FYB2: variants seen among roughly 807,000 people sequenced by gnomAD.
The protein encoded by FYB2 is FYN-binding protein 2.
In FYB2, 103 loss-of-function variants were observed where a neutral mutation model predicts 94.1. That is an observed-to-expected ratio of 1.09 (90% CI 0.93 to 1.29). The LOEUF is 1.29. Among genes scored for constraint, FYB2 ranks in the 50% most tolerant of loss-of-function variants. The probability of loss-of-function intolerance (pLI) is 0.00; values close to 1 mark genes in which losing one functional copy is unlikely to be tolerated. For missense variants in FYB2, 896 were observed against 841.5 expected (o/e 1.06, Z -0.80); for synonymous variants, 293 against 287.9 (o/e 1.02, Z -0.18).
chr1:56,720,351 C>T (rs767452768), intron 17 of FYB2, 22 bp from the exon 18 acceptor site: 10 of 1,580,314 alleles, frequency 6.3e-6, no homozygotes, highest in Admixed American at 3.8e-5. Flanking sequence ...AATTACTAAT[C>T]AGACCATTCT....
intron 2 of FYB2, among the ~76,000 whole-genome samples, chr1:56,790,314 T>A (rs1013681315): frequency 6.6e-6 from 1 of 152,192 alleles, no homozygotes; most frequent in Non-Finnish European, 1.5e-5. Context: ...GGGCCCAAAG[T>A]TCCTCTCTTC....
chr1:56,801,504 C>G (rs1254383370), intron 1 of FYB2, among the ~76,000 whole-genome samples: 2 of 152,202 alleles, frequency 1.3e-5, no homozygotes, highest in Non-Finnish European at 1.5e-5. Flanking sequence ...ATCCTTCCAA[C>G]ACTTTGGCCT....
chr1:56,794,959 A>C (rs551796008), intron 1 of FYB2, among the ~76,000 whole-genome samples: 5 of 152,066 alleles, frequency 3.3e-5, no homozygotes, highest in African/African-American at 1.2e-4. Context: ...CTCAGTGATA[A>C]ATATTTTTTA....
At chr1:56,756,591 C>G (rs1645337469) in intron 6 of FYB2, among the ~76,000 whole-genome samples, 1 of 152,156 alleles carries the variant, frequency 6.6e-6, no homozygotes, top group Non-Finnish European at 1.5e-5. Flanking sequence ...AACCATTATT[C>G]AGAGACTATT....
At chr1:56,742,342 T>C (rs1644975289) in intron 11 of FYB2, 121 bp from the exon 12 acceptor site, 1 of 654,500 alleles carries the variant, frequency 1.5e-6, no homozygotes, top group East Asian at 3.2e-5. Context: ...TTTTGTTAAA[T>C]AGTTTTTACT....
chr1:56,757,691 T>TTCTTTTTTTCTTTCTTTCTTTCTTTC (rs1557616923), intron 6 of FYB2, among the ~76,000 whole-genome samples: 3 of 70,166 alleles, frequency 4.3e-5, no homozygotes, highest in African/African-American at 1.5e-4. Flanking sequence ...TCCTTCCTTC[T>TTCTTTTTTTCTTTCTTTCTTTCTTTC]TTCTTTCTTT....
At chr1:56,819,644 G>A (rs115552878), upstream of FYB2, 1,149 of 438,282 alleles carry the variant, frequency 2.6e-3, 11 homozygotes, top group African/African-American at 0.021. Context: ...GGGCATTTGT[G>A]CCCAGGCAGC....
At chr1:56,767,788 T>G in intron 5 of FYB2, 41 bp downstream of exon 5, 2 of 1,417,610 alleles carry the variant, frequency 1.4e-6, no homozygotes, top group Non-Finnish European at 2.0e-6. Flanking sequence ...ACATTTTCAT[T>G]CCACACAGGG....
intron 15 of FYB2, among the ~76,000 whole-genome samples, chr1:56,728,971 G>A (rs917110762): frequency 1.3e-5 from 2 of 152,276 alleles, no homozygotes; most frequent in Non-Finnish European, 1.5e-5. Context: ...TGGAACAAAT[G>A]TGAAGGTTTG....
chr1:56,788,090 A>G (rs550924662), intron 3 of FYB2, among the ~76,000 whole-genome samples: 4 of 152,286 alleles, frequency 2.6e-5, no homozygotes, highest in South Asian at 2.1e-4. Context: ...ACTCAGACCA[A>G]CTGAACCAGA....
In FYB2 at chr1:56,737,153, G is replaced by A. The variant is rs774759137; in HGVS notation, c.1733-6C>T. On this transcript the variant is annotated splice_polypyrimidine_tract_variant and splice_region_variant and intron_variant, in intron 14 of 19. Transcript: ENST00000343433. ...AACTTCCTGAGACTTAAGTTCTAGG[G>A]TCAAGACAGAATCAAAATAGTCCAT... is the stretch of plus-strand genomic sequence containing the variant. The A allele has an allele frequency of 8.1e-6, 13 of 1,596,612 alleles. No individual in the cohort carries two copies. Among genetic ancestry groups the A allele is most frequent in the East Asian group, 2.3e-5 (1 of 44,332 alleles).
intron 16 of FYB2, 99 bp from the exon 17 acceptor site, chr1:56,723,780 T>C (rs189865149): frequency 1.3e-4 from 85 of 669,044 alleles, no homozygotes; most frequent in Non-Finnish European, 1.9e-4. Context: ...AATTCAGGTA[T>C]AATTTTTTGT....
chr1:56,759,120 G>T (rs1645426599), intron 5 of FYB2, among the ~76,000 whole-genome samples: 1 of 152,170 alleles, frequency 6.6e-6, no homozygotes, highest in African/African-American at 2.4e-5. Context: ...TCAACAAAAT[G>T]AATTCTCTAT....
At position 56,792,187 on chromosome 1, in the gene FYB2, A is replaced by ACGTTATGTAATATTTTGGGGGC. The variant is rs1646284334; in HGVS notation, c.604_625dup (p.Val209GlyfsTer7). On this transcript the variant is annotated stop_gained and frameshift_variant, in exon 2 of 20. Transcript: ENST00000343433. LOFTEE classifies it high-confidence loss of function. ...AATTACAAAAGAGGGATCTTCAGAG[A>ACGTTATGTAATATTTTGGGGGC]CGTTATGTAATATTTTGGGGGCCAC... 6.2e-7 allele frequency: 1 copy of ACGTTATGTAATATTTTGGGGGC among 1,613,878 alleles called. No individual in the cohort carries two copies. The highest frequency in any genetic ancestry group is 8.5e-7 in the Non-Finnish European group (1 of 1,179,990).
intron 4 of FYB2, 114 bp from the exon 5 acceptor site, chr1:56,768,052 C>A (rs1021955861): frequency 2.7e-6 from 2 of 745,518 alleles, no homozygotes; most frequent in Non-Finnish European, 4.3e-6. Context: ...ATATGGTGAC[C>A]TAAGCATATA....
chr1:56,792,982 C>A (rs938953793), intron 1 of FYB2, among the ~76,000 whole-genome samples, 179 bp from the exon 2 acceptor site: 8 of 152,092 alleles, frequency 5.3e-5, no homozygotes, highest in Admixed American at 3.9e-4. Flanking sequence ...CAATGTTAGC[C>A]AGCAATGCTA....
At chr1:56,765,133 T>G (rs1367030436) in intron 5 of FYB2, among the ~76,000 whole-genome samples, 1 of 152,286 alleles carries the variant, frequency 6.6e-6, no homozygotes, top group Middle Eastern at 3.4e-3. Context: ...GGAGTTTGGC[T>G]CTCCAGTAGG....
At chr1:56,792,853 C>T (rs2100980071) in intron 1 of FYB2, 50 bp from the exon 2 acceptor site, 1 of 1,510,730 alleles carries the variant, frequency 6.6e-7, no homozygotes, top group African/African-American at 1.4e-5. Flanking sequence ...AACAAACAAA[C>T]AACAACAACA....
intron 15 of FYB2, among the ~76,000 whole-genome samples, chr1:56,728,609 G>A (rs1025323077): frequency 1.3e-5 from 2 of 152,040 alleles, no homozygotes; most frequent in African/African-American, 2.4e-5. Flanking sequence ...AAATAACGAG[G>A]GATAAAATAG....
Sources: allele counts gnomAD v4.1 joint callset (sites outside exome capture counted in the v4.1 genomes callset), GRCh38; gene constraint gnomAD v4.1.1; transcripts MANE v1.5; gene names NCBI Gene and HGNC (gene_info 2026-07-23, HGNC 2026-07-21).